PVR: variants seen among roughly 807,000 people sequenced by gnomAD.
PVR encodes PVR cell adhesion molecule, also known as poliovirus receptor.
A neutral mutation model predicts 43.3 loss-of-function variants in PVR; 39 were observed. That is an observed-to-expected ratio of 0.90 (90% CI 0.70 to 1.18). The LOEUF is 1.18. Among genes scored for constraint, PVR ranks in the 50% most tolerant of loss-of-function variants. The pLI is 0.00. For missense variants in PVR, 480 were observed against 549.7 expected, an observed-to-expected ratio of 0.87 and a Z score of 1.27; for synonymous variants, 224 against 233.2, an observed-to-expected ratio of 0.96 and a Z score of 0.36.
Position 44,647,485 on chromosome 19 carries a change from C to T in PVR, c.342C>T (p.Arg114=), listed in dbSNP as rs1335015318. The change falls in exon 2 of 8, where the codon CGC becomes CGT. Residue 114 remains arginine (R), a synonymous_variant. Coordinates refer to ENST00000425690, the MANE Select transcript of PVR (RefSeq NM_006505.5). The part of the protein sequence containing the change: ...RNASLRMFGL[R]VEDEGNYTCL... ...CCTCGCTGAGGATGTTCGGGTTGCG[C>T]GTAGAGGATGAAGGCAACTACACCT... is the stretch of plus-strand genomic sequence containing the variant. 7 of 1,614,038 alleles carry T rather than the reference C, an allele frequency of 4.3e-6. No homozygotes were observed. Among genetic ancestry groups the T allele is most frequent in the Non-Finnish European group, 5.9e-6 (7 of 1,179,996 alleles).
Position 44,657,893 on chromosome 19 carries a change from TGAC to T in PVR, c.975_977del (p.Thr326del). ...GCCCTAGGAGCTCGCCAGGCAGAAC[TGAC>T]CGTCCAGGTCAAAGGTGAGGAACTC... is the stretch of plus-strand genomic sequence containing the variant. On this transcript the variant is annotated inframe_deletion, in exon 5 of 8. Transcript: ENST00000425690. 1 of 1,613,734 alleles carries T rather than the reference TGAC, an allele frequency of 6.2e-7. No individual in the cohort carries two copies. The highest frequency in any genetic ancestry group is 8.5e-7 in the Non-Finnish European group (1 of 1,179,828).
intron 4 of PVR, 86 bp downstream of exon 4, chr19:44,654,103 G>A (rs1973364381): frequency 2.6e-6 from 3 of 1,132,614 alleles, no homozygotes; most frequent in East Asian, 4.9e-5. Context: ...GGACTCCTGG[G>A]ACTGAGGGAG....
Position 44,643,998 on chromosome 19 carries a change from A to T in PVR, c.-99A>T. 1 of 986,330 alleles carries T rather than the reference A, an allele frequency of 1.0e-6. No individual in the cohort carries two copies. The highest frequency in any genetic ancestry group is 1.4e-6 in the Non-Finnish European group (1 of 698,760). 61.1% of individuals were successfully genotyped at this position (986,330 alleles called of 1,614,324 possible). ...GGCCCCCCGGGGATTCCAGGACCTG[A>T]GCTCCGGGAGCTGGACTCGCAGCGA... On this transcript the variant is annotated 5_prime_UTR_variant, in exon 1 of 8. Transcript: ENST00000425690.
At chr19:44,647,601 A>T in intron 2 of PVR, 31 bp downstream of exon 2, 1 of 1,556,478 alleles carries the variant, frequency 6.4e-7, no homozygotes. Context: ...AGGCTGAATG[A>T]AAGGCAGAGA....
intron 1 of PVR, 131 bp from the exon 2 acceptor site, chr19:44,647,092 A>ACCCCCCCCCCC: frequency 9.7e-5 from 4 of 41,170 alleles, no homozygotes; most frequent in South Asian, 3.3e-4. Context: ...CTCCCCCCAC[A>ACCCCCCCCCCC]CCCCACGGTC....
chr19:44,660,413 C>T (rs1973562097), intron 6 of PVR, among the ~76,000 whole-genome samples: 1 of 152,160 alleles, frequency 6.6e-6, no homozygotes, highest in African/African-American at 2.4e-5. Flanking sequence ...GTAGGTGGCA[C>T]ATGGTAAGCC....
intron 3 of PVR, 193 bp from the exon 4 acceptor site, chr19:44,653,707 T>TC (rs1372269556): frequency 1.8e-6 from 1 of 563,256 alleles, no homozygotes; most frequent in Non-Finnish European, 3.2e-6. Flanking sequence ...CTTCTCCATG[T>TC]CCCCACTGAC....
chr19:44,659,444 C>T (rs145836076), intron 6 of PVR, among the ~76,000 whole-genome samples: 16 of 152,082 alleles, frequency 1.1e-4, no homozygotes, highest in African/African-American at 3.9e-4. Flanking sequence ...GTATGTATAA[C>T]CCCCTCGATT....
At chr19:44,651,616 G>A (rs555543465) in intron 3 of PVR, among the ~76,000 whole-genome samples, 2 of 152,182 alleles carry the variant, frequency 1.3e-5, no homozygotes, top group East Asian at 1.9e-4. Flanking sequence ...AGGCTATCCA[G>A]TCTCACCCCA....
At chr19:44,654,249 G>A (rs1443693539) in intron 4 of PVR, among the ~76,000 whole-genome samples, 2 of 114,936 alleles carry the variant, frequency 1.7e-5, no homozygotes, top group East Asian at 2.5e-4. Context: ...GGACCCCTGG[G>A]TCTGAGGGAG....
intron 5 of PVR, 68 bp from the exon 6 acceptor site, chr19:44,658,674 C>T (rs2123768561): frequency 1.5e-6 from 2 of 1,378,282 alleles, no homozygotes; most frequent in Non-Finnish European, 2.0e-6. Flanking sequence ...ATTCAAGATG[C>T]CATTTCAAGA....
At position 44,649,904 on chromosome 19, in the gene PVR, G is replaced by A. The variant is rs767466526; in HGVS notation, c.523G>A (p.Ala175Thr). ...CGTCTCCACAGGGGGTCGCCCGCCA[G>A]CCCAAATCACCTGGCACTCAGACCT... ...RCVSTGGRPPAQITWHSDLGG... is the reference protein window; with the variant it reads ...RCVSTGGRPPTQITWHSDLGG... The change falls in exon 3 of 8, where the codon GCC (alanine) becomes ACC (threonine). Residue 175 changes from alanine (A) to threonine (T), a missense_variant. Coordinates refer to ENST00000425690, the MANE Select transcript of PVR (RefSeq NM_006505.5). 6.2e-7 allele frequency: 1 copy of A among 1,613,806 alleles called. No homozygotes were observed. The highest frequency in any genetic ancestry group is 1.1e-5 in the South Asian group (1 of 91,022).
At chr19:44,646,779 A>G (rs1403965852) in intron 1 of PVR, among the ~76,000 whole-genome samples, 3 of 152,158 alleles carry the variant, frequency 2.0e-5, no homozygotes, top group Non-Finnish European at 4.4e-5. Flanking sequence ...TCAAAAAAAA[A>G]AGAGAAGAAA....
intron 2 of PVR, among the ~76,000 whole-genome samples, chr19:44,649,367 G>T (rs972313002): frequency 1.3e-5 from 2 of 151,350 alleles, no homozygotes; most frequent in African/African-American, 4.9e-5. Context: ...GCACAGACTT[G>T]CCCAAGACCA....
At chr19:44,652,025 C>T (rs1057484539) in intron 3 of PVR, among the ~76,000 whole-genome samples, 4 of 152,052 alleles carry the variant, frequency 2.6e-5, no homozygotes, top group South Asian at 2.1e-4. Flanking sequence ...GGCACGGTGG[C>T]GGGTGCCTGT....
intron 6 of PVR, among the ~76,000 whole-genome samples, chr19:44,660,719 T>C (rs1973569916): frequency 6.6e-6 from 1 of 152,052 alleles, no homozygotes; most frequent in Non-Finnish European, 1.5e-5. Flanking sequence ...AGATGGAGTT[T>C]CGTTGTGTTG....
intron 6 of PVR, 107 bp downstream of exon 6, chr19:44,659,007 C>T: frequency 9.5e-7 from 1 of 1,049,464 alleles, no homozygotes; most frequent in Non-Finnish European, 1.4e-6. Context: ...ATGAGGTTTC[C>T]CCCATTTGAC....
At chr19:44,644,209 T>G (rs1424527573) in intron 1 of PVR, 34 bp downstream of exon 1, 1 of 1,448,420 alleles carries the variant, frequency 6.9e-7, no homozygotes, top group Non-Finnish European at 9.1e-7. Flanking sequence ...GTGGCCCCTG[T>G]CTGGCTCCCA....
intron 6 of PVR, among the ~76,000 whole-genome samples, chr19:44,660,006 G>T (rs112380004): frequency 0.021 from 3,258 of 152,222 alleles, 123 homozygotes; most frequent in African/African-American, 0.072. Context: ...ATACTGCCTC[G>T]TCCAGGAAGC....
Sources: allele counts gnomAD v4.1 joint callset (sites outside exome capture counted in the v4.1 genomes callset), GRCh38; gene constraint gnomAD v4.1.1; transcripts MANE v1.5; gene names NCBI Gene and HGNC (gene_info 2026-07-23, HGNC 2026-07-21).